Variants in ARF3 observed in about 807,000 individuals in gnomAD.
ARF3 encodes the protein ADP-ribosylation factor 3.
In ARF3, 5 loss-of-function variants were observed where a neutral mutation model predicts 19.3. The ratio of observed to expected loss-of-function variants is 0.26; its 90% CI spans 0.14 to 0.54. The LOEUF (loss-of-function observed/expected upper bound fraction) is 0.54. Ranked by LOEUF, ARF3 falls within the 20% of genes least tolerant of loss-of-function variation. The pLI is 0.95. For synonymous variants in ARF3, 71 were observed against 89.2 expected, an observed-to-expected ratio of 0.80 and a Z score of 1.15; for missense variants, 77 against 234.2, an observed-to-expected ratio of 0.33 and a Z score of 4.38.
At position 48,938,642 on chromosome 12, in the gene ARF3, C is replaced by G; in HGVS notation, c.*305G>C. ...CCACTGCCAAACAAAGAGAATACCC[C>G]ACTCGACCTCCCGAAACCCAGAGGG... On this transcript the variant is annotated 3_prime_UTR_variant, in exon 5 of 5. Coordinates refer to ENST00000256682, the MANE Select transcript of ARF3 (RefSeq NM_001659.3). The G allele has an allele frequency of 2.3e-6, 1 of 434,934 alleles. No homozygotes were observed. The highest frequency in any genetic ancestry group is 1.8e-5 in the South Asian group (1 of 56,588). The allele number at this position is 434,934 out of a possible 1,614,324, so 26.9% of individuals were successfully genotyped here.
chr12:48,951,160 T>C (rs555065933), intron 1 of ARF3, among the ~76,000 whole-genome samples: 1 of 152,240 alleles, frequency 6.6e-6, no homozygotes, highest in Non-Finnish European at 1.5e-5. Flanking sequence ...CACGTGTGTT[T>C]TCTATTTTTG....
Position 48,938,097 on chromosome 12 carries a change from G to A in ARF3, c.*850C>T. 1 of 305,848 alleles carries A rather than the reference G, an allele frequency of 3.3e-6. No homozygotes were observed. The highest frequency in any genetic ancestry group is 8.0e-5 in the East Asian group (1 of 12,482). 18.9% of individuals were successfully genotyped at this position (305,848 alleles called of 1,614,324 possible). ...GAACACTCTAAGCTGATAAGAGTGA[G>A]TGGGTTCCTCTCTCCTTCCCAACAG... On this transcript the variant is annotated 3_prime_UTR_variant, in exon 5 of 5. Coordinates refer to ENST00000256682, the MANE Select transcript of ARF3 (RefSeq NM_001659.3).
chr12:48,949,182 T>C (rs1426516308), intron 1 of ARF3, among the ~76,000 whole-genome samples: 3 of 152,166 alleles, frequency 2.0e-5, no homozygotes, highest in Admixed American at 6.5e-5. Context: ...AGAAAGAAAA[T>C]ACAAGAGGAA....
At chr12:48,953,279 T>G (rs79253663) in intron 1 of ARF3, 6,496 of 152,190 alleles carry the variant, frequency 0.043, 207 homozygotes, top group Non-Finnish European at 0.061. Flanking sequence ...CAGGTTCTGC[T>G]TGAAGAGAGG....
In ARF3 at chr12:48,936,551, TA is replaced by T. The variant is rs1251700041; in HGVS notation, c.*2395del. On this transcript the variant is annotated 3_prime_UTR_variant, in exon 5 of 5. Coordinates refer to ENST00000256682, the MANE Select transcript of ARF3 (RefSeq NM_001659.3). ...CTGCCAAGGGCTTAGCAGCCAGGGA[TA>T]CTACCAAGATCACTTACTGCCCCCT... 1 of 152,726 alleles carries T rather than the reference TA, an allele frequency of 6.5e-6. No individual in the cohort carries two copies. Among genetic ancestry groups the T allele is most frequent in the Admixed American group, 6.5e-5 (1 of 15,290 alleles). The allele number at this position is 152,726 out of a possible 1,614,324, so 9.5% of individuals were successfully genotyped here.
rs549024098 is a variant in ARF3, at chr12:48,936,103, A to G, written c.*2844T>C. 3.3e-5 allele frequency: 5 copies of G among 152,472 alleles called. No homozygotes were observed. The highest frequency in any genetic ancestry group is 9.6e-5 in the African/African-American group (4 of 41,566). The allele number at this position is 152,472 out of a possible 1,614,324, so 9.4% of individuals were successfully genotyped here. A position where few individuals can be genotyped will look rare whatever the true frequency, so the allele number is the denominator to read the frequency against. ...AAGTGTGCCTTTTACCCCTTTGCTGAAAGAAGGAGCACTATGGAGAGAGGG... is the reference window on the plus strand; with the variant it reads ...AAGTGTGCCTTTTACCCCTTTGCTGGAAGAAGGAGCACTATGGAGAGAGGG... On this transcript the variant is annotated 3_prime_UTR_variant, in exon 5 of 5. Transcript: ENST00000256682.
At chr12:48,945,354 C>T (rs1186059659) in intron 1 of ARF3, among the ~76,000 whole-genome samples, 3 of 151,852 alleles carry the variant, frequency 2.0e-5, no homozygotes, top group East Asian at 3.9e-4. Flanking sequence ...CCAAGGCGGG[C>T]GGAACACGAG....
At chr12:48,950,931 G>A (rs1940456904) in intron 1 of ARF3, among the ~76,000 whole-genome samples, 1 of 152,024 alleles carries the variant, frequency 6.6e-6, no homozygotes, top group South Asian at 2.1e-4. Context: ...GCGATTACAG[G>A]CACCTGCCAC....
intron 1 of ARF3, among the ~76,000 whole-genome samples, chr12:48,954,094 G>C (rs1323288928): frequency 7.9e-5 from 12 of 152,164 alleles, no homozygotes; most frequent in South Asian, 6.2e-4. Flanking sequence ...GCTCTTTTCT[G>C]GAAGAGTGAA....
chr12:48,949,350 C>G (rs915617623), intron 1 of ARF3, among the ~76,000 whole-genome samples: 1 of 152,022 alleles, frequency 6.6e-6, no homozygotes, highest in Admixed American at 6.5e-5. Context: ...CTCAGCCTCC[C>G]GAGTAGCTGG....
At chr12:48,953,256 T>A (rs1474820720) in intron 1 of ARF3, 1 of 152,152 alleles carries the variant, frequency 6.6e-6, no homozygotes, top group African/African-American at 2.4e-5. Flanking sequence ...GGTTTCCATG[T>A]CCTCAGAGCC....
chr12:48,947,564 C>A (rs559499926), intron 1 of ARF3, among the ~76,000 whole-genome samples: 2 of 152,152 alleles, frequency 1.3e-5, no homozygotes, highest in African/African-American at 4.8e-5. Context: ...CCTCTGCCCC[C>A]CAAAGTGCTG....
chr12:48,941,317 A>G (rs2044515123), intron 1 of ARF3, 129 bp from the exon 2 acceptor site: 1 of 487,062 alleles, frequency 2.1e-6, no homozygotes, highest in Non-Finnish European at 3.6e-6. Context: ...TATAAATACC[A>G]AGGCCCACTC....
chr12:48,956,435 C>T (rs1047815037), intron 1 of ARF3: 1 of 152,198 alleles, frequency 6.6e-6, no homozygotes, highest in African/African-American at 2.4e-5. Context: ...TCAAGTGGCC[C>T]GTTTTAACAG....
intron 1 of ARF3, among the ~76,000 whole-genome samples, chr12:48,947,347 C>T (rs138421268): frequency 0.012 from 1,845 of 151,460 alleles, 28 homozygotes; most frequent in Non-Finnish European, 0.018. Context: ...CGCTCTCTCG[C>T]CCAGGCTGGG....
At chr12:48,943,895 G>A (rs566054124) in intron 1 of ARF3, among the ~76,000 whole-genome samples, 2 of 152,254 alleles carry the variant, frequency 1.3e-5, no homozygotes, top group Admixed American at 6.5e-5. Flanking sequence ...CAAGCCACCC[G>A]CTAGCCTTCC....
At chr12:48,952,264 A>C (rs945210369) in intron 1 of ARF3, among the ~76,000 whole-genome samples, 2 of 152,220 alleles carry the variant, frequency 1.3e-5, no homozygotes, top group African/African-American at 4.8e-5. Context: ...TGGAGACCCA[A>C]AACGCCTGGG....
chr12:48,938,085 TGA>T lies in ARF3; in HGVS notation c.*860_*861del. ...GAAGGATCAGTTGAACACTCTAAGCTGATAAGAGTGAGTGGGTTCCTCTCTCC... is the reference window on the plus strand; with the variant it reads ...GAAGGATCAGTTGAACACTCTAAGCTTAAGAGTGAGTGGGTTCCTCTCTCC... On this transcript the variant is annotated 3_prime_UTR_variant, in exon 5 of 5. Transcript: ENST00000256682. 2 of 293,230 alleles carry T rather than the reference TGA, an allele frequency of 6.8e-6. No homozygotes were observed. The highest frequency in any genetic ancestry group is 6.6e-5 in the South Asian group (2 of 30,108). The allele number at this position is 293,230 out of a possible 1,614,324, so 18.2% of individuals were successfully genotyped here.
At chr12:48,944,974 G>C (rs975820689) in intron 1 of ARF3, among the ~76,000 whole-genome samples, 1 of 129,458 alleles carries the variant, frequency 7.7e-6, no homozygotes, top group Admixed American at 8.2e-5. Context: ...ACATGGTGAA[G>C]CCCCATCTCT....
Sources: allele counts gnomAD v4.1 joint callset (sites outside exome capture counted in the v4.1 genomes callset), GRCh38; gene constraint gnomAD v4.1.1; transcripts MANE v1.5; gene names NCBI Gene and HGNC (gene_info 2026-07-23, HGNC 2026-07-21).